The following FAM98B variants were observed in gnomAD, a reference collection of about 807,000 sequenced individuals.
FAM98B encodes tRNA splicing ligase complex subunit 3B.
A neutral mutation model predicts 43.9 loss-of-function variants in FAM98B; 32 were observed. The ratio of observed to expected loss-of-function variants is 0.73; its 90% CI spans 0.55 to 0.98. The LOEUF is 0.98. Among genes scored for constraint, FAM98B ranks in the 50% least tolerant of loss-of-function variants. The pLI is 0.00. For synonymous variants in FAM98B, 190 were observed against 174.0 expected, an observed-to-expected ratio of 1.09 and a Z score of -0.72; for missense variants, 514 against 522.9, an observed-to-expected ratio of 0.98 and a Z score of 0.17.
In FAM98B at chr15:38,484,616, G is replaced by GTGGTGT. The variant is rs1265481868; in HGVS notation, c.1264_1265insTTGGTG (p.Gly421_Gly422insValGly). 6.7e-7 allele frequency: 1 copy of GTGGTGT among 1,494,820 alleles called. No homozygotes were observed. The highest frequency in any genetic ancestry group is 1.4e-5 in the African/African-American group (1 of 69,200). The allele number at this position is 1,494,820 out of a possible 1,614,324, so 92.6% of individuals were successfully genotyped here. On this transcript the variant is annotated inframe_insertion, in exon 8 of 8. Transcript: ENST00000397609. ...GATCCATATGGAGGAGGTGGTGGTG[G>GTGGTGT]TGGTGGTGGTGGTGGTGGAGGAGGT...
At position 38,481,283 on chromosome 15, in the gene FAM98B, G is replaced by A. The variant is rs373769983; in HGVS notation, c.730-9G>A. ...TTTGTTCCTTTTTTCCTTAACTCTT[G>A]TCATTTAGGTAAAAACAGATGATAT... On this transcript the variant is annotated splice_polypyrimidine_tract_variant and intron_variant, in intron 6 of 7. Transcript: ENST00000397609. 5.0e-4 allele frequency: 793 copies of A among 1,601,296 alleles called. 8 individuals are homozygous for A. Among genetic ancestry groups the A allele is most frequent in the South Asian group, 4.5e-3 (403 of 90,248 alleles).
At position 38,481,768 on chromosome 15, in the gene FAM98B, A is replaced by G. The variant is rs1890291324; in HGVS notation, c.897+309A>G. On this transcript the variant is annotated intron_variant, in intron 7 of 7. Coordinates refer to ENST00000397609, the MANE Select transcript of FAM98B (RefSeq NM_173611.4). ...TTTTTTGTCAGTAAGAATCTTTCGG[A>G]ATTGTTTCAAGTACTGACAGATTCG... The G allele has an allele frequency of 6.8e-6, 5 of 735,684 alleles. No individual in the cohort carries two copies. In the South Asian group the frequency reaches 1.0e-4, roughly 15 times the overall value. The allele number at this position is 735,684 out of a possible 1,614,324, so 45.6% of individuals were successfully genotyped here.
Position 38,462,030 on chromosome 15 carries a change from C to T in FAM98B, c.72-2002C>T, listed in dbSNP as rs147623249. Among the ~76,000 whole-genome samples, 238 of 151,962 alleles carry T rather than the reference C, an allele frequency of 1.6e-3. 1 individual carries two copies. Among genetic ancestry groups the T allele is most frequent in the African/African-American group, 4.5e-3 (188 of 41,440 alleles). On this transcript the variant is annotated intron_variant, in intron 1 of 7. Transcript: ENST00000397609. ...AATCCAAGTGTCCTTTAGTAGATGC[C>T]GATTAAATAAAATATGGTGCATCCA... is the stretch of plus-strand genomic sequence containing the variant.
chr15:38,460,441 G>A (rs1210226883), intron 1 of FAM98B, among the ~76,000 whole-genome samples: 2 of 151,884 alleles, frequency 1.3e-5, no homozygotes, highest in Non-Finnish European at 2.9e-5. Context: ...AAAAAAATAA[G>A]TACTATGCTG....
At chr15:38,479,276 C>A (rs1194850194) in intron 6 of FAM98B, among the ~76,000 whole-genome samples, 1 of 152,144 alleles carries the variant, frequency 6.6e-6, no homozygotes, top group African/African-American at 2.4e-5. Context: ...CCAAAATATA[C>A]CATTTTAAAG....
At position 38,484,460 on chromosome 15, in the gene FAM98B, G is replaced by A. The variant is rs1192790313; in HGVS notation, c.1103G>A (p.Gly368Asp). 22 of 1,000,668 alleles carry A rather than the reference G, an allele frequency of 2.2e-5. No homozygotes were observed. The Middle Eastern group carries it at 1.3e-3, about 60-fold the overall frequency. 62.0% of individuals were successfully genotyped at this position (1,000,668 alleles called of 1,614,324 possible). The change falls in exon 8 of 8, where the codon GGT (glycine) becomes GAT (aspartate). Residue 368 changes from glycine to aspartate, a missense_variant. Around this residue, in one of 2 missense-constraint regions of FAM98B, gnomAD observed 469 missense variants for 451.8 expected, o/e 1.04. Transcript: ENST00000397609. The part of the protein sequence containing the change: ...GWGGGGGGWG[G>D]GGGGGGGWGG... ...GGGGGTGGAGGAGGAGGTTGGGGAG[G>A]TGGTGGGGGAGGGGGAGGAGGGTGG...
chr15:38,455,530 A>G (rs777245383), intron 1 of FAM98B, among the ~76,000 whole-genome samples: 2 of 152,182 alleles, frequency 1.3e-5, no homozygotes, highest in African/African-American at 2.4e-5. Flanking sequence ...GTGAATACAT[A>G]TTTGTCAAAC....
intron 1 of FAM98B, among the ~76,000 whole-genome samples, chr15:38,457,104 T>G (rs1889861179): frequency 6.6e-6 from 1 of 152,256 alleles, no homozygotes; most frequent in Admixed American, 6.5e-5. Flanking sequence ...GGTTGCTTAG[T>G]GGCAGTGGAT....
chr15:38,468,963 A>G (rs1005426313), intron 3 of FAM98B, among the ~76,000 whole-genome samples: 2 of 152,162 alleles, frequency 1.3e-5, no homozygotes, highest in East Asian at 1.9e-4. Context: ...CTGGAGTGCA[A>G]TGGCACGATC....
chr15:38,462,072 A>G (rs968358062), intron 1 of FAM98B, among the ~76,000 whole-genome samples: 7 of 152,196 alleles, frequency 4.6e-5, no homozygotes, highest in African/African-American at 9.6e-5. Flanking sequence ...GAGGTAGTAT[A>G]TAACTGTAAA....
At chr15:38,476,384 CT>C (rs1890200674) in intron 6 of FAM98B, among the ~76,000 whole-genome samples, 1 of 151,554 alleles carries the variant, frequency 6.6e-6, no homozygotes, top group African/African-American at 2.4e-5. Context: ...CTAGATGGAC[CT>C]TTCAATATGT....
At chr15:38,464,443 A>G (rs1477414035) in intron 2 of FAM98B, among the ~76,000 whole-genome samples, 1 of 151,980 alleles carries the variant, frequency 6.6e-6, no homozygotes, top group Non-Finnish European at 1.5e-5. Context: ...TCTAAACCTT[A>G]GTATTGTTTT....
rs746906818 is a variant in FAM98B at position 38,464,024 on chromosome 15, C to G, written c.72-8C>G. On this transcript the variant is annotated splice_polypyrimidine_tract_variant and splice_region_variant and intron_variant, in intron 1 of 7. Coordinates refer to ENST00000397609, the MANE Select transcript of FAM98B (RefSeq NM_173611.4). ...TTTAGTTTTTAACTTGTATTTCTTC[C>G]TTTCTAGGTATAAAGGACCATTGTT... 8 of 1,580,182 alleles carry G rather than the reference C, an allele frequency of 5.1e-6. No homozygotes were observed. In the South Asian group the frequency reaches 8.3e-5, roughly 16 times the overall value.
Position 38,474,317 on chromosome 15 carries a change from A to G in FAM98B, c.729+19A>G, listed in dbSNP as rs986108023. ...AGCAAAGGTAAGGCTGTTTTCCCATATGTGTCCTGTAGGTGGTAGCCTATA... is the reference window on the plus strand; with the variant it reads ...AGCAAAGGTAAGGCTGTTTTCCCATGTGTGTCCTGTAGGTGGTAGCCTATA... On this transcript the variant is annotated intron_variant, in intron 6 of 7. Transcript: ENST00000397609. 1.9e-6 allele frequency: 3 copies of G among 1,556,830 alleles called. No homozygotes were observed. The highest frequency in any genetic ancestry group is 2.7e-5 in the African/African-American group (2 of 73,836).
intron 1 of FAM98B, among the ~76,000 whole-genome samples, chr15:38,457,021 T>C (rs1304535919): frequency 6.6e-6 from 1 of 152,194 alleles, no homozygotes; most frequent in Admixed American, 6.5e-5. Context: ...GATGTCTAGT[T>C]TGAAAGTTAC....
rs1202349948 is a variant in FAM98B, at chr15:38,454,167, A to C, written c.6A>C (p.Arg2Ser). The change falls in exon 1 of 8, where the codon AGA (arginine) becomes AGC (serine). Residue 2 changes from arginine (R) to serine (S), a missense_variant. Coordinates refer to ENST00000397609, the MANE Select transcript of FAM98B (RefSeq NM_173611.4). ...CAGCTCTGGGCCAAAGGACCATGAG[A>C]GGGCCGGAGCCGGGTCCCCAACCGA... MRGPEPGPQPTM... is the reference protein window; with the variant it reads MSGPEPGPQPTM... 6.3e-7 allele frequency: 1 copy of C among 1,597,728 alleles called. No homozygotes were observed. The highest frequency in any genetic ancestry group is 1.1e-5 in the South Asian group (1 of 87,430).
chr15:38,477,110 C>G (rs904134505), intron 6 of FAM98B, among the ~76,000 whole-genome samples: 1 of 151,634 alleles, frequency 6.6e-6, no homozygotes, highest in African/African-American at 2.4e-5. Flanking sequence ...CCAGCGTGAT[C>G]AACATAGCGA....
At chr15:38,480,006 G>A (rs956023186) in intron 6 of FAM98B, among the ~76,000 whole-genome samples, 4 of 151,858 alleles carry the variant, frequency 2.6e-5, no homozygotes, top group Non-Finnish European at 5.9e-5. Context: ...TTCTATTTAT[G>A]TCTTGTCATT....
intron 6 of FAM98B, among the ~76,000 whole-genome samples, chr15:38,475,737 T>C (rs1364388894): frequency 6.6e-6 from 1 of 152,236 alleles, no homozygotes; most frequent in African/African-American, 2.4e-5. Context: ...TACCTGCATC[T>C]GTAAGGTAGC....
Sources: gnomAD v4.1 joint callset for allele counts (sites outside exome capture counted in the v4.1 genomes callset) on GRCh38, gnomAD v4.1.1 for gene constraint, gnomAD v4.1.1 regional missense constraint, MANE v1.5 for transcripts, NCBI Gene and HGNC (gene_info 2026-07-23, HGNC 2026-07-21) for gene names.